SPRY3: variants seen among roughly 807,000 people sequenced by gnomAD.
SPRY3 encodes protein sprouty homolog 3.
Under a neutral mutation model 20.2 loss-of-function variants are expected in SPRY3, and 15 were observed. The ratio of observed to expected loss-of-function variants is 0.74; its 90% CI spans 0.50 to 1.14. The LOEUF is 1.14. Ranked by LOEUF, SPRY3 falls within the 50% of genes most tolerant of loss-of-function variation. SPRY3 has a pLI of 0.00. For synonymous variants in SPRY3, 143 were observed against 136.5 expected (o/e 1.05, Z -0.33); for missense variants, 364 against 363.9 (o/e 1.00, Z 0.00).
chrX:155,724,791 C>T (rs2091086182), intron 2 of SPRY3, among the ~76,000 whole-genome samples: 1 of 152,124 alleles, frequency 6.6e-6, no homozygotes, highest in Non-Finnish European at 1.5e-5. Context: ...TCCTCTTTTT[C>T]TAATTGAATA....
chrX:155,733,605 C>T (rs1177485572), intron 2 of SPRY3, among the ~76,000 whole-genome samples: 1 of 151,956 alleles, frequency 6.6e-6, no homozygotes. Context: ...TTGGCTTCAA[C>T]TTAATATCAC....
intron 2 of SPRY3, among the ~76,000 whole-genome samples, chrX:155,709,373 C>T (rs998546608): frequency 6.6e-6 from 1 of 151,018 alleles, no homozygotes; most frequent in African/African-American, 2.4e-5. Flanking sequence ...TTAAGTGGGG[C>T]GAGAGGAGAA....
intron 2 of SPRY3, among the ~76,000 whole-genome samples, chrX:155,742,549 A>C (rs2124574450): frequency 6.6e-6 from 1 of 152,320 alleles, no homozygotes; most frequent in East Asian, 1.9e-4. Context: ...CATCCCTTTC[A>C]ATGCCACATG....
intron 2 of SPRY3, among the ~76,000 whole-genome samples, chrX:155,717,154 C>CAA (rs1178558140): frequency 2.4e-5 from 3 of 122,474 alleles, no homozygotes; most frequent in Non-Finnish European, 5.3e-5. Flanking sequence ...GTGAGACTGT[C>CAA]AAAAAAAAAA....
chrX:155,637,607 T>C (rs782501451), intron 1 of SPRY3, among the ~76,000 whole-genome samples: 3 of 111,412 alleles, frequency 2.7e-5, no homozygotes, highest in African/African-American at 9.8e-5. Context: ...TGCACTCAGA[T>C]GAGCATCATC....
At chrX:155,652,370 A>G (rs192044827) in intron 1 of SPRY3, among the ~76,000 whole-genome samples, 9 of 110,916 alleles carry the variant, frequency 8.1e-5, no homozygotes, top group Non-Finnish European at 1.3e-4. Context: ...TTATCCATTA[A>G]CTATCCCCAC....
chrX:155,685,939 T>G (rs756023885), intron 2 of SPRY3, among the ~76,000 whole-genome samples: 5 of 110,747 alleles, frequency 4.5e-5, no homozygotes. Flanking sequence ...AGCTAATTTT[T>G]GTATTCTTTA....
intron 2 of SPRY3, among the ~76,000 whole-genome samples, chrX:155,679,777 A>T (rs1363328515): frequency 1.8e-5 from 2 of 111,832 alleles, no homozygotes; most frequent in Non-Finnish European, 3.8e-5. Flanking sequence ...CTATGAGAAC[A>T]TATAAACCTG....
chrX:155,740,145 G>T (rs769526147), intron 2 of SPRY3, among the ~76,000 whole-genome samples: 6 of 152,064 alleles, frequency 3.9e-5, no homozygotes, highest in Non-Finnish European at 8.8e-5. Flanking sequence ...AATTTCTTAC[G>T]CCTGTCTTGC....
chrX:155,709,849 G>A (rs1012684200), intron 2 of SPRY3, among the ~76,000 whole-genome samples: 3 of 151,638 alleles, frequency 2.0e-5, no homozygotes, highest in Non-Finnish European at 3.0e-5. Context: ...TAAGGTGAGA[G>A]ATGGGTTCTA....
chrX:155,697,161 T>C (rs2068121501), intron 2 of SPRY3, among the ~76,000 whole-genome samples: 1 of 111,203 alleles, frequency 9.0e-6, no homozygotes, highest in Non-Finnish European at 1.9e-5. Flanking sequence ...TGTTTCGACA[T>C]GAGGTTAGCA....
chrX:155,632,960 G>C (rs190785120), intron 1 of SPRY3, among the ~76,000 whole-genome samples: 1 of 110,818 alleles, frequency 9.0e-6, no homozygotes. Flanking sequence ...TCAGTATGTT[G>C]GTATCCCTGA....
chrX:155,773,973 C>A (rs762620475), exon 4 of SPRY3: 1 of 1,613,996 alleles, frequency 6.2e-7, no homozygotes, highest in Middle Eastern at 1.7e-4. Flanking sequence ...CTCCAGCCCC[C>A]TGTAAACAGG....
chrX:155,750,173 C>T (rs866253613), intron 2 of SPRY3, among the ~76,000 whole-genome samples: 7 of 151,878 alleles, frequency 4.6e-5, no homozygotes, highest in African/African-American at 1.4e-4. Flanking sequence ...CAAACTAATG[C>T]AGGAACAGAA....
chrX:155,709,732 T>C (rs2090973696), intron 2 of SPRY3, among the ~76,000 whole-genome samples: 1 of 151,756 alleles, frequency 6.6e-6, no homozygotes, highest in Non-Finnish European at 1.5e-5. Context: ...TCAAGAAATT[T>C]TTGCCCAGAC....
exon 4 of SPRY3, chrX:155,776,206 G>C (rs2091424713): frequency 1.2e-5 from 2 of 167,100 alleles, no homozygotes; most frequent in African/African-American, 4.8e-5. Flanking sequence ...TTAACTATCA[G>C]GTGTTGAGGC....
At chrX:155,616,127 TCTC>T (rs1286732818) in intron 1 of SPRY3, among the ~76,000 whole-genome samples, 13 of 48,549 alleles carry the variant, frequency 2.7e-4, no homozygotes, top group South Asian at 1.3e-3. Context: ...TCTCTCTCTC[TCTC>T]CTCTCTCTCT....
intron 2 of SPRY3, among the ~76,000 whole-genome samples, chrX:155,723,669 G>A (rs2091077895): frequency 1.3e-5 from 2 of 152,070 alleles, no homozygotes; most frequent in Non-Finnish European, 2.9e-5. Context: ...GTTCCTTGTA[G>A]ATTCTGGATA....
At chrX:155,730,735 G>A (rs1176644646) in intron 2 of SPRY3, among the ~76,000 whole-genome samples, 4 of 152,056 alleles carry the variant, frequency 2.6e-5, no homozygotes, top group Admixed American at 2.0e-4. Context: ...CTTGTTTGCA[G>A]ATGATATGAT....
Sources: allele counts gnomAD v4.1 joint callset (sites outside exome capture counted in the v4.1 genomes callset), GRCh38; gene constraint gnomAD v4.1.1; transcripts MANE v1.5; gene names NCBI Gene and HGNC (gene_info 2026-07-23, HGNC 2026-07-21).